Variants in MACROD1 observed in about 807,000 individuals in gnomAD.
MACROD1 encodes mono-ADP ribosylhydrolase 1.
MACROD1 carries 31 observed loss-of-function variants against 41.4 expected under a neutral mutation model. The observed-to-expected ratio is 0.75, with a 90% confidence interval of 0.56 to 1.01. The LOEUF (loss-of-function observed/expected upper bound fraction) is 1.01. MACROD1 is among the 50% of genes least tolerant of loss of function. The pLI is 0.00. For missense variants in MACROD1, 473 were observed against 460.0 expected (o/e 1.03, Z -0.26); for synonymous variants, 252 against 203.4 (o/e 1.24, Z -2.03).
chr11:64,142,454 CA>C (rs1338585314), intron 3 of MACROD1, among the ~76,000 whole-genome samples: 2 of 152,168 alleles, frequency 1.3e-5, no homozygotes, highest in Non-Finnish European at 2.9e-5. Context: ...ATGGAAATGA[CA>C]GAAGAACTTC....
intron 3 of MACROD1, chr11:64,117,440 T>C (rs2134621770): frequency 6.2e-7 from 1 of 1,612,920 alleles, no homozygotes. Flanking sequence ...CCAATGCGGC[T>C]GCCAAGACCA....
At chr11:64,044,740 C>T (rs1943552648) in intron 3 of MACROD1, among the ~76,000 whole-genome samples, 1 of 152,144 alleles carries the variant, frequency 6.6e-6, no homozygotes, top group Non-Finnish European at 1.5e-5. Flanking sequence ...AGGTCACCAG[C>T]ACCTGAGCTT....
At position 64,006,797 on chromosome 11, in the gene MACROD1, G is replaced by A. The variant is rs368507046; in HGVS notation, c.548-6454C>T. Among the ~76,000 whole-genome samples, 352 of 152,302 alleles carry A rather than the reference G, an allele frequency of 2.3e-3. 3 individuals carry two copies. The highest frequency in any genetic ancestry group is 8.0e-3 in the African/African-American group (333 of 41,540). Reference sequence around the variant, plus strand: ...AGTGAGGTTCAGCTCCAGGGACTTAGTGCCTCAGTTTCTCCACCTGCAAAA... The same window carrying A: ...AGTGAGGTTCAGCTCCAGGGACTTAATGCCTCAGTTTCTCCACCTGCAAAA... On this transcript the variant is annotated intron_variant, in intron 4 of 10. Transcript: ENST00000255681.
chr11:64,125,665 G>A (rs537667074), intron 3 of MACROD1, among the ~76,000 whole-genome samples: 1 of 152,340 alleles, frequency 6.6e-6, no homozygotes, highest in African/African-American at 2.4e-5. Context: ...TGCCAGCTGT[G>A]AGCCAGATGG....
At chr11:64,117,344 C>G in intron 3 of MACROD1, 1 of 1,613,922 alleles carries the variant, frequency 6.2e-7, no homozygotes, top group Non-Finnish European at 8.5e-7. Flanking sequence ...TGTGCCAGGG[C>G]CCTGAGAAGG....
intron 3 of MACROD1, among the ~76,000 whole-genome samples, chr11:64,025,979 G>A (rs2845567): frequency 1.3e-5 from 2 of 152,038 alleles, no homozygotes; most frequent in South Asian, 2.1e-4. Flanking sequence ...TCAAGAGTTC[G>A]AGATCAGCCT....
At chr11:64,161,508 A>G (rs1945755424) in intron 1 of MACROD1, among the ~76,000 whole-genome samples, 1 of 152,234 alleles carries the variant, frequency 6.6e-6, no homozygotes, top group African/African-American at 2.4e-5. Flanking sequence ...GTCAAATGTA[A>G]CTTGGCTGAA....
intron 3 of MACROD1, 129 bp downstream of exon 3, chr11:64,151,110 A>C: frequency 1.4e-6 from 1 of 735,928 alleles, no homozygotes; most frequent in Non-Finnish European, 2.3e-6. Context: ...CCATGGCGCC[A>C]GCAGGCTGTC....
At chr11:64,134,645 C>A (rs1945308363) in intron 3 of MACROD1, among the ~76,000 whole-genome samples, 1 of 152,182 alleles carries the variant, frequency 6.6e-6, no homozygotes, top group Non-Finnish European at 1.5e-5. Flanking sequence ...GCACCTGCCT[C>A]CCCGGCTGCG....
At position 64,154,057 on chromosome 11, in the gene MACROD1, G is replaced by A. The variant is rs999042392; in HGVS notation, c.299-1664C>T. Among the ~76,000 whole-genome samples the A allele has an allele frequency of 2.0e-5, 3 of 152,204 alleles. No homozygotes were observed. The South Asian group carries it at 6.2e-4, about 32-fold the overall frequency. ...GGTCAAGGTCACCACACCCCATGCAGCGGCCCCTCCTGCCTTCCCTGTGGA... is the reference window on the plus strand; with the variant it reads ...GGTCAAGGTCACCACACCCCATGCAACGGCCCCTCCTGCCTTCCCTGTGGA... On this transcript the variant is annotated intron_variant, in intron 1 of 10. Transcript: ENST00000255681.
intron 3 of MACROD1, among the ~76,000 whole-genome samples, chr11:64,069,489 T>C (rs758286481): frequency 3.3e-5 from 5 of 152,212 alleles, no homozygotes; most frequent in Non-Finnish European, 7.3e-5. Context: ...CTTTAGCCTC[T>C]GGCTCTGGGG....
chr11:64,050,383 C>T (rs889346991), intron 3 of MACROD1, among the ~76,000 whole-genome samples: 10 of 152,218 alleles, frequency 6.6e-5, no homozygotes, highest in Admixed American at 2.0e-4. Context: ...CAGCTGGACA[C>T]GTAGGGGTCC....
intron 3 of MACROD1, among the ~76,000 whole-genome samples, chr11:64,088,082 G>T (rs1944425962): frequency 6.6e-6 from 1 of 152,146 alleles, no homozygotes; most frequent in Non-Finnish European, 1.5e-5. Flanking sequence ...TCTTCCCATA[G>T]GCACTTGGCC....
At position 64,058,275 on chromosome 11, in the gene MACROD1, T is replaced by G. The variant is rs113816669; in HGVS notation, c.518-42994A>C. ...CCCGAGGGTGCTCTCGGATGAGCAG[T>G]TGGGGACTACTGTCGGCTCTGCTGT... On this transcript the variant is annotated intron_variant, in intron 3 of 10. Coordinates refer to ENST00000255681, the MANE Select transcript of MACROD1 (RefSeq NM_014067.4). 9.9e-3 allele frequency among the ~76,000 whole-genome samples: 1,511 copies of G among 152,262 alleles called. 24 individuals carry two copies. The highest frequency in any genetic ancestry group is 0.034 in the African/African-American group (1,413 of 41,552).
chr11:64,118,286 C>G (rs1945033961), intron 3 of MACROD1: 1 of 1,561,888 alleles, frequency 6.4e-7, no homozygotes. Flanking sequence ...ACTACTCCTA[C>G]ACATGATGCC....
intron 3 of MACROD1, among the ~76,000 whole-genome samples, chr11:64,095,599 C>T (rs921337401): frequency 6.6e-6 from 1 of 152,186 alleles, no homozygotes; most frequent in East Asian, 1.9e-4. Flanking sequence ...CTAGTGGATG[C>T]TTCTGGAAGG....
intron 4 of MACROD1, among the ~76,000 whole-genome samples, chr11:64,008,401 G>GAGGCGGGAGGCCCCACGCACACAT (rs147518923): frequency 6.7e-6 from 1 of 148,478 alleles, no homozygotes; most frequent in East Asian, 2.0e-4. Context: ...GGCCTGGGGA[G>GAGGCGGGAGGCCCCACGCACACAT]AGGCGCCCAG....
intron 3 of MACROD1, among the ~76,000 whole-genome samples, chr11:64,092,073 T>C (rs1036583868): frequency 6.6e-5 from 10 of 152,266 alleles, no homozygotes; most frequent in East Asian, 1.9e-4. Flanking sequence ...GCCAGGACCA[T>C]AGCACACTCT....
intron 3 of MACROD1, among the ~76,000 whole-genome samples, chr11:64,141,469 G>A (rs112224874): frequency 6.6e-6 from 1 of 152,226 alleles, no homozygotes; most frequent in Non-Finnish European, 1.5e-5. Context: ...GTACCCATCC[G>A]TTAAACGGGC....
Sources: allele counts gnomAD v4.1 joint callset (sites outside exome capture counted in the v4.1 genomes callset), GRCh38; gene constraint gnomAD v4.1.1; transcripts MANE v1.5; gene names NCBI Gene and HGNC (gene_info 2026-07-23, HGNC 2026-07-21).